Variants in CHD9 observed in about 807,000 individuals in gnomAD.
CHD9 encodes the protein chromodomain helicase DNA binding protein 9.
Under a neutral mutation model 316.1 loss-of-function variants are expected in CHD9, and 77 were observed. The ratio of observed to expected loss-of-function variants is 0.24; its 90% CI spans 0.20 to 0.29. The LOEUF is 0.29. CHD9 is among the 10% of genes least tolerant of loss of function. The pLI is 1.00. For synonymous variants in CHD9, 1,129 were observed against 1,158.3 expected (o/e 0.97, Z 0.51); for missense variants, 2,763 against 3,438.1 (o/e 0.80, Z 4.91).
In CHD9 at chr16:53,242,922, A is replaced by C; in HGVS notation, c.2960A>C (p.Asn987Thr). 1 of 1,613,408 alleles carries C rather than the reference A, an allele frequency of 6.2e-7. No individual in the cohort carries two copies. Among genetic ancestry groups the C allele is most frequent in the Non-Finnish European group, 8.5e-7 (1 of 1,179,464 alleles). ...ATTCTTGGAGGCTGTGGAGAGCTTA[A>C]TGCAATTGAATGGCGATGTGTGATT... The part of the protein sequence containing the change: ...EMILGGCGEL[N>T]AIEWRCVIID... Residue 987 changes from asparagine (N) to threonine (T), a missense_variant, in exon 13 of 39, where the codon AAT becomes ACT. Coordinates refer to ENST00000447540, the MANE Select transcript of CHD9 (RefSeq NM_001308319.2).
At position 53,146,419 on chromosome 16, in the gene CHD9, G is replaced by GTA. The variant is rs757165644; in HGVS notation, c.-164-9490_-164-9489dup. 2.4e-3 allele frequency among the ~76,000 whole-genome samples: 181 copies of GTA among 76,694 alleles called. 13 individuals are homozygous for GTA. The highest frequency in any genetic ancestry group is 0.017 in the Middle Eastern group (3 of 178). The allele number at this position is 76,694 out of a possible 152,430, so 50.3% of individuals were successfully genotyped here. ...AAAAAAAAATTGTGTGTGTGTGTAT[G>GTA]TATATATATATATATATAATTAAAA... On this transcript the variant is annotated intron_variant, in intron 1 of 38. Transcript: ENST00000447540.
rs1014532990 is a variant in CHD9 at position 53,190,041 on chromosome 16, C to T, written c.1453-19441C>T. Among the ~76,000 whole-genome samples, 15 of 152,088 alleles carry T rather than the reference C, an allele frequency of 9.9e-5. 1 individual carries two copies. Among genetic ancestry groups the T allele is most frequent in the South Asian group, 2.1e-4 (1 of 4,826 alleles). ...TGTCACATTGAACCATGATTTTCCC[C>T]CAACCCTACCTCCCAAACTAGAACA... On this transcript the variant is annotated intron_variant, in intron 2 of 38. Coordinates refer to ENST00000447540, the MANE Select transcript of CHD9 (RefSeq NM_001308319.2).
chr16:53,293,349 T>C (rs1050052186), intron 29 of CHD9, among the ~76,000 whole-genome samples: 1 of 152,240 alleles, frequency 6.6e-6, no homozygotes, highest in Non-Finnish European at 1.5e-5. Context: ...GCACAGTGGC[T>C]AATGCCTATA....
chr16:53,206,721 T>G (rs186385070), intron 2 of CHD9, among the ~76,000 whole-genome samples: 2 of 152,220 alleles, frequency 1.3e-5, no homozygotes, highest in South Asian at 4.1e-4. Flanking sequence ...ATTTTAGCTC[T>G]TATTGTCATA....
chr16:53,118,670 C>T (rs935301243), intron 1 of CHD9, among the ~76,000 whole-genome samples: 1 of 151,978 alleles, frequency 6.6e-6, no homozygotes, highest in South Asian at 2.1e-4. Flanking sequence ...ATAATTAATA[C>T]GCATCCTCAG....
chr16:53,306,204 T>A, intron 31 of CHD9, 33 bp from the exon 32 acceptor site: 1 of 1,335,290 alleles, frequency 7.5e-7, no homozygotes. Flanking sequence ...TTATGTAGTC[T>A]TTTTAAAAAA....
At chr16:53,212,173 G>A (rs971095898) in intron 3 of CHD9, among the ~76,000 whole-genome samples, 1 of 151,972 alleles carries the variant, frequency 6.6e-6, no homozygotes, top group Non-Finnish European at 1.5e-5. Context: ...AGGCCGAGGC[G>A]GGCGGATCAC....
At chr16:53,121,007 AAAACAAACAAAAAC>A (rs1448207150) in intron 1 of CHD9, among the ~76,000 whole-genome samples, 1 of 152,234 alleles carries the variant, frequency 6.6e-6, no homozygotes, top group Non-Finnish European at 1.5e-5. Context: ...CTCTTGTCTC[AAAACAAACAAAAAC>A]AAACAAACAA....
intron 13 of CHD9, 102 bp downstream of exon 13, chr16:53,243,118 G>A (rs895708725): frequency 8.7e-6 from 6 of 691,462 alleles, no homozygotes; most frequent in African/African-American, 3.7e-5. Context: ...ATTTTAGAGT[G>A]TAGTACATCT....
Position 53,291,873 on chromosome 16 carries a change from A to G in CHD9, c.5290+106A>G, listed in dbSNP as rs890487103. ...CTTTTATAATGTTTCATATATAAAA[A>G]TTTTTATTGACTGCCATTGTAATCG... On this transcript the variant is annotated intron_variant, in intron 28 of 38. Coordinates refer to ENST00000447540, the MANE Select transcript of CHD9 (RefSeq NM_001308319.2). 5 of 662,408 alleles carry G rather than the reference A, an allele frequency of 7.5e-6. No individual in the cohort carries two copies. In the Admixed American group the frequency reaches 1.6e-4, roughly 21 times the overall value. The allele number at this position is 662,408 out of a possible 1,614,324, so 41.0% of individuals were successfully genotyped here. A position where few individuals can be genotyped will look rare whatever the true frequency, so the allele number is the denominator to read the frequency against.
intron 1 of CHD9, among the ~76,000 whole-genome samples, chr16:53,152,012 A>T (rs2041161825): frequency 6.6e-6 from 1 of 151,854 alleles, no homozygotes; most frequent in African/African-American, 2.4e-5. Context: ...GCAGGGGTGC[A>T]CATACACACG....
intron 1 of CHD9, among the ~76,000 whole-genome samples, chr16:53,125,020 T>C (rs1218973600): frequency 6.6e-6 from 1 of 152,196 alleles, no homozygotes; most frequent in Admixed American, 6.5e-5. Context: ...TAACAACTAA[T>C]GTGTTGAGCA....
intron 37 of CHD9, among the ~76,000 whole-genome samples, chr16:53,319,459 A>G (rs1213002952): frequency 2.0e-5 from 3 of 152,206 alleles, no homozygotes; most frequent in Non-Finnish European, 4.4e-5. Flanking sequence ...AATTTTTCCC[A>G]CAATTTTGTA....
At chr16:53,126,824 A>T (rs1345614429) in intron 1 of CHD9, among the ~76,000 whole-genome samples, 1 of 151,988 alleles carries the variant, frequency 6.6e-6, no homozygotes, top group Non-Finnish European at 1.5e-5. Flanking sequence ...GATTACAGGC[A>T]TGTGCCACCA....
intron 2 of CHD9, among the ~76,000 whole-genome samples, chr16:53,171,253 T>C (rs2042695514): frequency 6.6e-6 from 1 of 151,238 alleles, no homozygotes; most frequent in African/African-American, 2.4e-5. Flanking sequence ...CCGTCTCCAC[T>C]AAAAAATACA....
chr16:53,126,422 CT>C (rs1457794166), intron 1 of CHD9, among the ~76,000 whole-genome samples: 1 of 152,140 alleles, frequency 6.6e-6, no homozygotes, highest in Non-Finnish European at 1.5e-5. Context: ...TATGCCTATC[CT>C]TATGCCAGTT....
Position 53,229,043 on chromosome 16 carries a change from G to A in CHD9, c.2229G>A (p.Gln743=), listed in dbSNP as rs1221797853. The A allele has an allele frequency of 1.9e-6, 3 of 1,599,754 alleles. No individual in the cohort carries two copies. Among genetic ancestry groups the A allele is most frequent in the African/African-American group, 2.7e-5 (2 of 74,714 alleles). ...EEQLLKDKRI[Q]QKIKRFKLRQ... ...AGCTTTTGAAAGATAAAAGGATCCA[G>A]CAGAAAATCAAACGATTCAAATTGA... Residue 743 remains glutamine, a synonymous_variant, in exon 8 of 39, where the codon CAG becomes CAA. Transcript: ENST00000447540.
At chr16:53,076,789 G>A (rs12934205) in intron 1 of CHD9, among the ~76,000 whole-genome samples, 102,484 of 151,248 alleles carry the variant, frequency 0.68, 35,464 homozygotes, top group African/African-American at 0.76. Flanking sequence ...AAAAACAAAA[G>A]CAAATTTTAA....
intron 36 of CHD9, 39 bp downstream of exon 36, chr16:53,315,083 T>C: frequency 6.9e-7 from 1 of 1,449,378 alleles, no homozygotes; most frequent in Non-Finnish European, 9.6e-7. Flanking sequence ...ATTTTATTTT[T>C]ATGAGTTGTC....
Sources: allele counts gnomAD v4.1 joint callset (sites outside exome capture counted in the v4.1 genomes callset), GRCh38; gene constraint gnomAD v4.1.1; transcripts MANE v1.5; gene names NCBI Gene and HGNC (gene_info 2026-07-23, HGNC 2026-07-21).